BCAS3: variants seen among roughly 807,000 people sequenced by gnomAD.
The protein encoded by BCAS3 is BCAS4/BCAS3 fusion.
A neutral mutation model predicts 116.1 loss-of-function variants in BCAS3; 53 were observed. The observed-to-expected ratio is 0.46, with a 90% CI of 0.37 to 0.57. BCAS3 has a LOEUF of 0.57. Ranked by LOEUF, BCAS3 falls within the 20% of genes least tolerant of loss-of-function variation. The probability of loss-of-function intolerance (pLI) is 0.00; values close to 1 mark genes in which losing one functional copy is unlikely to be tolerated. For synonymous variants in BCAS3, 391 were observed against 408.2 expected, an observed-to-expected ratio of 0.96 and a Z score of 0.51; for missense variants, 917 against 1,165.4, an observed-to-expected ratio of 0.79 and a Z score of 3.10.
intron 4 of BCAS3, among the ~76,000 whole-genome samples, chr17:60,693,822 AT>A (rs988533013): frequency 6.8e-6 from 1 of 146,068 alleles, no homozygotes; most frequent in Non-Finnish European, 1.5e-5. Context: ...AAAGGGAATT[AT>A]TTTTTTTTAA....
rs112944820 is a variant in BCAS3, at chr17:61,136,033, C to T, written c.2425+51469C>T. The T allele has an allele frequency of 8.1e-4, 129 of 159,636 alleles. No individual in the cohort carries two copies. The highest frequency in any genetic ancestry group is 1.3e-3 in the Non-Finnish European group (94 of 72,650). 9.9% of individuals were successfully genotyped at this position (159,636 alleles called of 1,614,324 possible). A position where few individuals can be genotyped will look rare whatever the true frequency, so the allele number is the denominator to read the frequency against. ...CTTCTGCCATGGCCACCGCCACTGC[C>T]GCCGCCTCCTCCTTCTTCCCTGCAC... On this transcript the variant is annotated intron_variant, in intron 22 of 23. Coordinates refer to ENST00000407086, the MANE Select transcript of BCAS3 (RefSeq NM_017679.5). This position sits in a 1 kb window ranked among gnomAD's most constrained non-coding sequence, Gnocchi z 4.4.
rs901351863 is a variant in BCAS3, at chr17:61,162,353, G to A, written c.2425+77789G>A. ...AGGAGAGCTTGCGAATGGAAGGGGT[G>A]TTCCTGCCAGCTGGGTTTCTTTGCA... is the stretch of plus-strand genomic sequence containing the variant. On this transcript the variant is annotated intron_variant, in intron 22 of 23. Coordinates refer to ENST00000407086, the MANE Select transcript of BCAS3 (RefSeq NM_017679.5). The surrounding 1 kb of genome is among the most constrained non-coding windows in gnomAD (Gnocchi z 5.6). Among the ~76,000 whole-genome samples, 2 of 152,170 alleles carry A rather than the reference G, an allele frequency of 1.3e-5. No individual in the cohort carries two copies. Among genetic ancestry groups the A allele is most frequent in the Admixed American group, 1.3e-4 (2 of 15,286 alleles).
intron 11 of BCAS3, among the ~76,000 whole-genome samples, chr17:60,904,235 C>T (rs903246177): frequency 6.6e-6 from 1 of 151,838 alleles, no homozygotes; most frequent in African/African-American, 2.4e-5. Flanking sequence ...GAAACCCCGT[C>T]TCTACTAAAA....
chr17:60,916,261 C>T (rs2058774394), intron 12 of BCAS3, among the ~76,000 whole-genome samples: 1 of 152,182 alleles, frequency 6.6e-6, no homozygotes, highest in South Asian at 2.1e-4. Flanking sequence ...CCCACCAGCA[C>T]TGTATGATAG....
intron 19 of BCAS3, among the ~76,000 whole-genome samples, chr17:61,048,238 A>G (rs1038388884): frequency 1.3e-5 from 2 of 152,018 alleles, no homozygotes; most frequent in East Asian, 1.9e-4. Context: ...TCCCAACAAG[A>G]TGGACTAACA....
intron 19 of BCAS3, among the ~76,000 whole-genome samples, chr17:61,055,681 G>T (rs999160244): frequency 6.6e-6 from 1 of 152,102 alleles, no homozygotes; most frequent in African/African-American, 2.4e-5. Flanking sequence ...TAAATACACA[G>T]CCTTGTGCCA....
At chr17:60,680,490 A>C (rs1278780007) in intron 2 of BCAS3, among the ~76,000 whole-genome samples, 2 of 152,150 alleles carry the variant, frequency 1.3e-5, no homozygotes, top group African/African-American at 4.8e-5. Flanking sequence ...TGTGTTATCT[A>C]TAAAAGGAAT....
In BCAS3 at chr17:61,236,861, T is replaced by C. The variant is rs1025082208; in HGVS notation, c.2426-131466T>C. Among the ~76,000 whole-genome samples, 5 of 152,148 alleles carry C rather than the reference T, an allele frequency of 3.3e-5. No individual in the cohort carries two copies. In the South Asian group the frequency reaches 1.0e-3, roughly 32 times the overall value. On this transcript the variant is annotated intron_variant, in intron 22 of 23. Transcript: ENST00000407086. The stretch of plus-strand genomic sequence containing the variant: ...AAATGTGGCTCTAAAAGTGGTTTTA[T>C]GCAGCAGGAACAACACAAAGGAAAA...
rs905126243 is a variant in BCAS3, at chr17:60,765,174, C to A, written c.403+17895C>A. On this transcript the variant is annotated intron_variant, in intron 6 of 23. Transcript: ENST00000407086. ...GCCAGTCTGTGTCTTTTCATGGGGG[C>A]ATTTAGCCCATTTACATTTAAGGTT... Among the ~76,000 whole-genome samples the A allele has an allele frequency of 1.5e-4, 23 of 152,108 alleles. No individual in the cohort carries two copies. In the East Asian group the frequency reaches 4.4e-3, roughly 29 times the overall value.
Position 61,368,907 on chromosome 17 carries a change from C to A in BCAS3, c.2593+413C>A, listed in dbSNP as rs936813574. ...CAACCTGAGCGGAGTAAGCATGAAG[C>A]AGGCTGGGCTGGTTTCAGCCCCTAC... On this transcript the variant is annotated intron_variant, in intron 23 of 23. Coordinates refer to ENST00000407086, the MANE Select transcript of BCAS3 (RefSeq NM_017679.5). This position sits in a 1 kb window ranked among gnomAD's most constrained non-coding sequence, Gnocchi z 6.0. Among the ~76,000 whole-genome samples the A allele has an allele frequency of 6.6e-6, 1 of 152,212 alleles. No homozygotes were observed. The highest frequency in any genetic ancestry group is 2.4e-5 in the African/African-American group (1 of 41,472).
intron 19 of BCAS3, among the ~76,000 whole-genome samples, chr17:61,052,914 C>T (rs1394204894): frequency 6.6e-6 from 1 of 151,692 alleles, no homozygotes; most frequent in Non-Finnish European, 1.5e-5. Context: ...GACAGGGTTT[C>T]ACCATGTTGG....
intron 16 of BCAS3, among the ~76,000 whole-genome samples, chr17:61,024,685 G>A (rs1003831142): frequency 4.0e-5 from 6 of 151,532 alleles, no homozygotes; most frequent in Middle Eastern, 3.4e-3. Flanking sequence ...TTTGGCTAAC[G>A]TATGTTTCCT....
rs752803892 is a variant in BCAS3 at position 61,034,980 on chromosome 17, G to A, written c.1762+190G>A. Among the ~76,000 whole-genome samples the A allele has an allele frequency of 2.0e-5, 3 of 152,080 alleles. No homozygotes were observed. The highest frequency in any genetic ancestry group is 2.9e-5 in the Non-Finnish European group (2 of 68,018). On this transcript the variant is annotated intron_variant, in intron 17 of 23. Transcript: ENST00000407086. This position sits in a 1 kb window ranked among gnomAD's most constrained non-coding sequence, Gnocchi z 5.0. ...GAAAAACTATCCTCTCAGTATGAAC[G>A]TTAATGAATTGCCCACTGAGTGATT...
rs538671632 is a variant in BCAS3, at chr17:61,228,915, C to G, written c.2426-139412C>G. ...AGTGAGAAAAGCATGTCAAAAGCCA[C>G]GACAGGCTGAAAGCTAGTCCTCTTG... On this transcript the variant is annotated intron_variant, in intron 22 of 23. Coordinates refer to ENST00000407086, the MANE Select transcript of BCAS3 (RefSeq NM_017679.5). The surrounding 1 kb of genome is among the most constrained non-coding windows in gnomAD (Gnocchi z 5.0). Among the ~76,000 whole-genome samples the G allele has an allele frequency of 6.6e-6, 1 of 152,172 alleles. No individual in the cohort carries two copies. Among genetic ancestry groups the G allele is most frequent in the South Asian group, 2.1e-4 (1 of 4,828 alleles).
intron 14 of BCAS3, among the ~76,000 whole-genome samples, chr17:60,966,212 G>A (rs1354795807): frequency 6.6e-6 from 1 of 152,164 alleles, no homozygotes; most frequent in Non-Finnish European, 1.5e-5. Flanking sequence ...CAGTCTATGT[G>A]TGTCTTTATA....
At chr17:60,771,673 G>A (rs1276601735) in intron 6 of BCAS3, among the ~76,000 whole-genome samples, 3 of 152,024 alleles carry the variant, frequency 2.0e-5, no homozygotes, top group Non-Finnish European at 4.4e-5. Context: ...TTTACATTAG[G>A]TATATCTCCT....
At chr17:61,018,849 T>C (rs2065675416) in intron 16 of BCAS3, among the ~76,000 whole-genome samples, 1 of 152,172 alleles carries the variant, frequency 6.6e-6, no homozygotes, top group African/African-American at 2.4e-5. Context: ...ACTTCATTAG[T>C]TTTTCTTAAT....
intron 9 of BCAS3, among the ~76,000 whole-genome samples, chr17:60,877,173 G>GATATAT (rs10538503): frequency 1.4e-5 from 2 of 147,372 alleles, no homozygotes; most frequent in African/African-American, 2.5e-5. Context: ...TTTAAGAAAT[G>GATATAT]ATATATATAT....
chr17:61,062,444 G>A (rs1600878345), intron 19 of BCAS3, among the ~76,000 whole-genome samples: 1 of 152,146 alleles, frequency 6.6e-6, no homozygotes, highest in African/African-American at 2.4e-5. Context: ...GTACTTTATA[G>A]TTATGATACA....
Sources: allele counts gnomAD v4.1 joint callset (sites outside exome capture counted in the v4.1 genomes callset), GRCh38; gene constraint gnomAD v4.1.1; non-coding constraint Gnocchi (gnomAD v3.1); transcripts MANE v1.5; gene names NCBI Gene and HGNC (gene_info 2026-07-23, HGNC 2026-07-21).